RHBDL2: variants seen among roughly 807,000 people sequenced by gnomAD.
RHBDL2 encodes rhomboid like 2.
A neutral mutation model predicts 31.7 loss-of-function variants in RHBDL2; 26 were observed. That is an observed-to-expected ratio of 0.82 (90% CI 0.60 to 1.14). The LOEUF (loss-of-function observed/expected upper bound fraction) is 1.14. Ranked by LOEUF, RHBDL2 falls within the 50% of genes most tolerant of loss-of-function variation. The pLI, the probability that RHBDL2 is intolerant of heterozygous loss-of-function variation, is 0.00. For missense variants in RHBDL2, 336 were observed against 364.4 expected (o/e 0.92, Z 0.63); for synonymous variants, 123 against 127.2 (o/e 0.97, Z 0.22).
Position 38,915,669 on chromosome 1 carries a change from T to C in RHBDL2, c.288A>G (p.Lys96=), listed in dbSNP as rs1368984439. 2 of 1,614,146 alleles carry C rather than the reference T, an allele frequency of 1.2e-6. No individual in the cohort carries two copies. Among genetic ancestry groups the C allele is most frequent in the South Asian group, 1.1e-5 (1 of 91,086 alleles). The part of the protein sequence containing the change: ...FIYYAVWKPQ[K]QWITLDTGIL... Reference sequence around the variant, plus strand: ...TGCCTGTGTCCAACGTGATCCACTGTTTCTGAGGCTTCCACACAGCATAGT... The same window carrying C: ...TGCCTGTGTCCAACGTGATCCACTGCTTCTGAGGCTTCCACACAGCATAGT... The change falls in exon 3 of 8, where the codon AAA becomes AAG. Residue 96 remains lysine (K), a synonymous_variant. Coordinates refer to ENST00000372990, the MANE Select transcript of RHBDL2 (RefSeq NM_017821.5).
intron 1 of RHBDL2, among the ~76,000 whole-genome samples, chr1:38,923,557 C>G (rs1253978254): frequency 6.6e-6 from 1 of 152,128 alleles, no homozygotes; most frequent in Non-Finnish European, 1.5e-5. Flanking sequence ...ACTCCATGGG[C>G]TCTATAGGTC....
At chr1:38,902,374 TTTTTG>T (rs1313784791) in intron 4 of RHBDL2, among the ~76,000 whole-genome samples, 4 of 150,116 alleles carry the variant, frequency 2.7e-5, no homozygotes, top group East Asian at 1.9e-4. Context: ...CTAATTTTTG[TTTTTG>T]TTTTGTTTTA....
rs559179840 is a variant in RHBDL2 at position 38,923,177 on chromosome 1, C to T, written c.-125-3840G>A. ...GCAATGTATGAGGTATAAATTAATG[C>T]AGCCTTTTGGAAAGCAATTGGCCAA... On this transcript the variant is annotated intron_variant, in intron 1 of 7. Transcript: ENST00000372990. 2.0e-5 allele frequency among the ~76,000 whole-genome samples: 3 copies of T among 152,186 alleles called. No homozygotes were observed. In the South Asian group the frequency reaches 6.2e-4, roughly 32 times the overall value.
chr1:38,888,116 T>C lies in RHBDL2; in HGVS notation c.671-92A>G, dbSNP rs1253216829. 3 of 769,908 alleles carry C rather than the reference T, an allele frequency of 3.9e-6. No homozygotes were observed. In the East Asian group the frequency reaches 7.7e-5, roughly 20 times the overall value. The allele number at this position is 769,908 out of a possible 1,614,324, so 47.7% of individuals were successfully genotyped here. A position where few individuals can be genotyped will look rare whatever the true frequency, so the allele number is the denominator to read the frequency against. ...CCCCTCTAATAATAATAATACTAGC[T>C]ATCATTTATTGATACTTAACTCTGT... On this transcript the variant is annotated intron_variant, in intron 6 of 7. Transcript: ENST00000372990.
chr1:38,886,512 C>G lies in RHBDL2; in HGVS notation c.904G>C (p.Ala302Pro). ...AVFFNIFLSP[A>P]N ...CTTACAATAGGGGCAGGTCAGTTTGCTGGAGATAGGAAAATGTTGAAAAAC... is the reference window on the plus strand; with the variant it reads ...CTTACAATAGGGGCAGGTCAGTTTGGTGGAGATAGGAAAATGTTGAAAAAC... Residue 302 changes from alanine to proline, a missense_variant, in exon 8 of 8, where the codon GCA becomes CCA. Ala to Pro is a conservative substitution (Grantham distance 27, BLOSUM62 -1). Transcript: ENST00000372990. 2 of 1,575,376 alleles carry G rather than the reference C, an allele frequency of 1.3e-6. No individual in the cohort carries two copies. Among genetic ancestry groups the G allele is most frequent in the Non-Finnish European group, 1.7e-6 (2 of 1,155,222 alleles).
At position 38,915,694 on chromosome 1, in the gene RHBDL2, T is replaced by C; in HGVS notation, c.263A>G (p.Tyr88Cys). The C allele has an allele frequency of 1.2e-6, 2 of 1,614,062 alleles. No homozygotes were observed. The highest frequency in any genetic ancestry group is 1.7e-6 in the Non-Finnish European group (2 of 1,180,004). ...TTTCTGAGGCTTCCACACAGCATAG[T>C]AAATAAACACTGCCAGCTGATGGAG... ...ISLAELAVFI[Y>C]YAVWKPQKQW... Residue 88 changes from tyrosine (Y) to cysteine (C), a missense_variant, in exon 3 of 8, where the codon TAC becomes TGC. Coordinates refer to ENST00000372990, the MANE Select transcript of RHBDL2 (RefSeq NM_017821.5).
intron 4 of RHBDL2, among the ~76,000 whole-genome samples, chr1:38,900,737 G>A (rs1042440844): frequency 2.0e-5 from 3 of 151,436 alleles, no homozygotes; most frequent in African/African-American, 4.9e-5. Flanking sequence ...AAAAAAATAA[G>A]TAAATAAAAA....
chr1:38,914,012 G>A (rs1643193982), intron 3 of RHBDL2, among the ~76,000 whole-genome samples: 1 of 151,836 alleles, frequency 6.6e-6, no homozygotes, highest in Non-Finnish European at 1.5e-5. Flanking sequence ...AGCTACTCGG[G>A]AAGCTGAGGC....
intron 6 of RHBDL2, among the ~76,000 whole-genome samples, chr1:38,889,641 T>A (rs1399237308): frequency 6.6e-6 from 1 of 152,112 alleles, no homozygotes. Context: ...CATTCCATAT[T>A]CTCCAATAAA....
At chr1:38,924,925 G>A (rs1400168893) in intron 1 of RHBDL2, among the ~76,000 whole-genome samples, 1 of 151,550 alleles carries the variant, frequency 6.6e-6, no homozygotes, top group African/African-American at 2.4e-5. Context: ...GAAGTTACAG[G>A]CATGCACCAC....
At chr1:38,929,802 T>C (rs1643420899) in intron 1 of RHBDL2, among the ~76,000 whole-genome samples, 1 of 152,226 alleles carries the variant, frequency 6.6e-6, no homozygotes, top group South Asian at 2.1e-4. Context: ...ACCATCATTA[T>C]GCCAGAGGCC....
intron 4 of RHBDL2, among the ~76,000 whole-genome samples, chr1:38,909,102 T>C (rs1167748785): frequency 6.6e-6 from 1 of 152,122 alleles, no homozygotes; most frequent in Non-Finnish European, 1.5e-5. Context: ...TGTCGATGTG[T>C]TCCTCTCGAC....
At chr1:38,904,369 A>T (rs1157677191) in intron 4 of RHBDL2, among the ~76,000 whole-genome samples, 1 of 152,096 alleles carries the variant, frequency 6.6e-6, no homozygotes, top group African/African-American at 2.4e-5. Flanking sequence ...GCTACTCAGT[A>T]GGCTGAGGCA....
At chr1:38,939,180 C>T (rs1286409136) in intron 1 of RHBDL2, among the ~76,000 whole-genome samples, 1 of 152,170 alleles carries the variant, frequency 6.6e-6, no homozygotes, top group Admixed American at 6.5e-5. Context: ...AGCAGATCTA[C>T]AGGAAGTGAA....
At chr1:38,896,395 T>A (rs547209848) in intron 4 of RHBDL2, among the ~76,000 whole-genome samples, 2 of 152,328 alleles carry the variant, frequency 1.3e-5, no homozygotes, top group East Asian at 3.9e-4. Context: ...ATGGGGCTAT[T>A]AATAGAACTT....
intron 4 of RHBDL2, among the ~76,000 whole-genome samples, chr1:38,899,282 C>T (rs987463623): frequency 7.9e-5 from 12 of 152,292 alleles, no homozygotes; most frequent in African/African-American, 2.6e-4. Context: ...GGGACTCAGA[C>T]GACAACCAGA....
intron 1 of RHBDL2, among the ~76,000 whole-genome samples, chr1:38,931,272 A>C (rs953236615): frequency 1.3e-5 from 2 of 152,170 alleles, no homozygotes; most frequent in Admixed American, 1.3e-4. Context: ...CTGTAATCCT[A>C]GTACTTTGGG....
intron 5 of RHBDL2, among the ~76,000 whole-genome samples, chr1:38,894,985 G>A (rs772251879): frequency 1.3e-5 from 2 of 152,240 alleles, no homozygotes; most frequent in Middle Eastern, 3.4e-3. Flanking sequence ...GATTACAGGC[G>A]TGAGCCACCG....
At chr1:38,910,916 T>TTATAGGGGTGAACA (rs1643131341) in intron 4 of RHBDL2, among the ~76,000 whole-genome samples, 1 of 150,438 alleles carries the variant, frequency 6.6e-6, no homozygotes, top group South Asian at 2.1e-4. Flanking sequence ...GTAGCTGGGA[T>TTATAGGGGTGAACA]TATAGGGGTG....
Sources: allele counts gnomAD v4.1 joint callset (sites outside exome capture counted in the v4.1 genomes callset), GRCh38; gene constraint gnomAD v4.1.1; transcripts MANE v1.5; gene names NCBI Gene and HGNC (gene_info 2026-07-23, HGNC 2026-07-21).